Variants in RASA2 observed in about 807,000 individuals in gnomAD.
RASA2 encodes RAS p21 protein activator 2, also known as ras GTPase-activating protein 2.
A neutral mutation model predicts 118.2 loss-of-function variants in RASA2; 155 were observed. The observed-to-expected ratio is 1.31, with a 90% confidence interval of 1.15 to 1.50. The LOEUF is 1.50. RASA2 is among the 40% of genes most tolerant of loss of function. The pLI, the probability that RASA2 is intolerant of heterozygous loss-of-function variation, is 0.00. For missense variants in RASA2, 1,016 were observed against 1,009.6 expected (o/e 1.01, Z -0.09); for synonymous variants, 353 against 349.1 (o/e 1.01, Z -0.12).
chr3:141,539,835 A>T (rs565316731), intron 4 of RASA2, among the ~76,000 whole-genome samples: 1 of 152,314 alleles, frequency 6.6e-6, no homozygotes, highest in South Asian at 2.1e-4. Context: ...CTTAATTTTT[A>T]AAAATTCGTC....
At chr3:141,511,807 G>T (rs531043068) in intron 1 of RASA2, among the ~76,000 whole-genome samples, 6 of 151,990 alleles carry the variant, frequency 3.9e-5, no homozygotes, top group Non-Finnish European at 8.8e-5. Flanking sequence ...GGGAATGATC[G>T]CTAGAGAGGA....
rs141377063 is a variant in RASA2 at position 141,571,058 on chromosome 3, C to G, written c.1010C>G (p.Pro337Arg). ...TTGAAAACTTTGCTGCTAAAATCAC[C>G]AGATGTTCAAGTATGTTAAGAATCT... ...GPLKTLLLKSPDVQPISASAA... is the reference protein window; with the variant it reads ...GPLKTLLLKSRDVQPISASAA... The change falls in exon 10 of 24, where the codon CCA becomes CGA. Residue 337 changes from proline (P) to arginine (R), a missense_variant. Around this residue, in one of 2 missense-constraint regions of RASA2, gnomAD observed 896 missense variants for 836.4 expected, o/e 1.07. Transcript: ENST00000286364. 1.3e-6 allele frequency: 2 copies of G among 1,599,370 alleles called. No individual in the cohort carries two copies. The highest frequency in any genetic ancestry group is 1.7e-6 in the Non-Finnish European group (2 of 1,176,050).
In RASA2 at chr3:141,498,889, A is replaced by G. The variant is rs543873107; in HGVS notation, c.133+11673A>G. Among the ~76,000 whole-genome samples the G allele has an allele frequency of 2.8e-4, 42 of 152,268 alleles. 1 individual carries two copies. The East Asian group carries it at 7.5e-3, about 27-fold the overall frequency. ...GCTTAGCCCAGAAGAGATTCCTGCC[A>G]TATGTACTTCAGAGTTTGGTTTGCC... is the stretch of plus-strand genomic sequence containing the variant. On this transcript the variant is annotated intron_variant, in intron 1 of 23. Coordinates refer to ENST00000286364, the MANE Select transcript of RASA2 (RefSeq NM_006506.5).
At chr3:141,487,590 C>G in intron 1 of RASA2, among the ~76,000 whole-genome samples, 1 of 152,034 alleles carries the variant, frequency 6.6e-6, no homozygotes, top group South Asian at 2.1e-4. Context: ...CGCCCTCAGA[C>G]TCAGGCCTTC....
intron 3 of RASA2, among the ~76,000 whole-genome samples, chr3:141,524,461 C>T (rs901348188): frequency 3.9e-5 from 6 of 152,128 alleles, no homozygotes; most frequent in Non-Finnish European, 8.8e-5. Context: ...ATCGAAACCT[C>T]GTACACTAAG....
intron 4 of RASA2, among the ~76,000 whole-genome samples, chr3:141,534,013 G>C (rs1471332403): frequency 1.3e-5 from 2 of 152,094 alleles, no homozygotes; most frequent in Non-Finnish European, 2.9e-5. Context: ...TTCTGATCCT[G>C]TTTATGGTCC....
intron 17 of RASA2, among the ~76,000 whole-genome samples, chr3:141,584,940 A>G (rs1295253806): frequency 6.6e-6 from 1 of 152,170 alleles, no homozygotes; most frequent in Admixed American, 6.5e-5. Context: ...AAAATTCAAA[A>G]TCCAGAATGC....
chr3:141,518,253 G>A (rs1480201078), intron 3 of RASA2, among the ~76,000 whole-genome samples: 2 of 151,240 alleles, frequency 1.3e-5, no homozygotes, highest in Non-Finnish European at 2.9e-5. Context: ...TTGGGAGGCC[G>A]AGGTGGGCAG....
At chr3:141,521,779 G>A (rs547577424) in intron 3 of RASA2, among the ~76,000 whole-genome samples, 1 of 152,010 alleles carries the variant, frequency 6.6e-6, no homozygotes, top group Non-Finnish European at 1.5e-5. Context: ...TGCATATAGA[G>A]TTATTATTAA....
At chr3:141,489,384 A>G (rs1331266871) in intron 1 of RASA2, among the ~76,000 whole-genome samples, 2 of 152,192 alleles carry the variant, frequency 1.3e-5, no homozygotes, top group African/African-American at 4.8e-5. Flanking sequence ...TGGGTTTTGT[A>G]GGGTGGGGAC....
chr3:141,545,116 C>G (rs2151106380), intron 5 of RASA2, among the ~76,000 whole-genome samples: 1 of 152,254 alleles, frequency 6.6e-6, no homozygotes, highest in South Asian at 2.1e-4. Flanking sequence ...TATAACAGAC[C>G]TGCACATGTA....
At position 141,613,863 on chromosome 3, in the gene RASA2, G is replaced by GT. The variant is rs2107808102; in HGVS notation, c.*1553dup. 6.6e-6 allele frequency: 1 copy of GT among 152,226 alleles called. No individual in the cohort carries two copies. The highest frequency in any genetic ancestry group is 2.4e-5 in the African/African-American group (1 of 41,534). 9.4% of individuals were successfully genotyped at this position (152,226 alleles called of 1,614,324 possible). On this transcript the variant is annotated 3_prime_UTR_variant, in exon 24 of 24. Coordinates refer to ENST00000286364, the MANE Select transcript of RASA2 (RefSeq NM_006506.5). ...TGACTTGTAAAAATCAATGAATTAT[G>GT]TTTAAGTCTGCATTATGGTAGGTTA...
chr3:141,612,602 CA>C lies in RASA2; in HGVS notation c.*292del, dbSNP rs1354328245. ...GAATCTTCCTAGAAAAGCTTTGTAA[CA>C]AAGGGAGAACTCCTCCGTAGCAAGA... On this transcript the variant is annotated 3_prime_UTR_variant, in exon 24 of 24. Transcript: ENST00000286364. 1 of 295,380 alleles carries C rather than the reference CA, an allele frequency of 3.4e-6. No individual in the cohort carries two copies. Among genetic ancestry groups the C allele is most frequent in the African/African-American group, 2.2e-5 (1 of 44,576 alleles). The allele number at this position is 295,380 out of a possible 1,614,324, so 18.3% of individuals were successfully genotyped here.
chr3:141,499,504 C>G (rs887714028), intron 1 of RASA2, among the ~76,000 whole-genome samples: 2 of 152,194 alleles, frequency 1.3e-5, no homozygotes, highest in African/African-American at 2.4e-5. Flanking sequence ...TTCCTAGAGT[C>G]CTGTGCCCAC....
intron 17 of RASA2, among the ~76,000 whole-genome samples, chr3:141,583,986 T>G (rs972461749): frequency 1.3e-5 from 2 of 151,808 alleles, no homozygotes; most frequent in African/African-American, 4.8e-5. Context: ...GAACAAGAAT[T>G]GTTCCTCAAA....
chr3:141,512,448 T>C (rs2081965883), intron 2 of RASA2, among the ~76,000 whole-genome samples, 168 bp downstream of exon 2: 1 of 152,224 alleles, frequency 6.6e-6, no homozygotes, highest in Non-Finnish European at 1.5e-5. Context: ...CCTAATTTTA[T>C]CTTTGTTTTC....
chr3:141,571,665 T>TAGTA (rs1437342978), intron 11 of RASA2, 111 bp downstream of exon 11: 1 of 1,031,680 alleles, frequency 9.7e-7, no homozygotes, highest in Non-Finnish European at 1.4e-6. Flanking sequence ...CCTTACTGTA[T>TAGTA]AGTAGGCTGA....
At chr3:141,530,793 T>G (rs1325548388) in intron 4 of RASA2, among the ~76,000 whole-genome samples, 1 of 152,178 alleles carries the variant, frequency 6.6e-6, no homozygotes, top group Non-Finnish European at 1.5e-5. Context: ...TTGCCATGTT[T>G]TAATATTCTT....
At chr3:141,489,965 C>CTTTT (rs768242549) in intron 1 of RASA2, among the ~76,000 whole-genome samples, 1 of 131,010 alleles carries the variant, frequency 7.6e-6, no homozygotes. Context: ...CTTGAGTGTA[C>CTTTT]TTTTTTTTTT....
Sources: gnomAD v4.1 joint callset for allele counts (sites outside exome capture counted in the v4.1 genomes callset) on GRCh38, gnomAD v4.1.1 for gene constraint, gnomAD v4.1.1 regional missense constraint, MANE v1.5 for transcripts, NCBI Gene and HGNC (gene_info 2026-07-23, HGNC 2026-07-21) for gene names.